Variants in TXNRD1 observed in about 807,000 individuals in gnomAD.
TXNRD1 encodes the protein thioredoxin reductase 1, also known as thioredoxin reductase 1, cytoplasmic.
A neutral mutation model predicts 80.3 loss-of-function variants in TXNRD1; 57 were observed. That is an observed-to-expected ratio of 0.71 (90% CI 0.57 to 0.89). The LOEUF is 0.89. Among genes scored for constraint, TXNRD1 ranks in the 40% least tolerant of loss-of-function variants. The probability of loss-of-function intolerance (pLI) is 0.00; values close to 1 mark genes in which losing one functional copy is unlikely to be tolerated. For missense variants in TXNRD1, 730 were observed against 803.0 expected, an observed-to-expected ratio of 0.91 and a Z score of 1.10; for synonymous variants, 291 against 285.2, an observed-to-expected ratio of 1.02 and a Z score of -0.20.
chr12:104,301,309 A>C, intron 4 of TXNRD1, among the ~76,000 whole-genome samples: 1 of 152,110 alleles, frequency 6.6e-6, no homozygotes, highest in African/African-American at 2.4e-5. Flanking sequence ...GGGTTGGCTT[A>C]TCTGTTAGAG....
chr12:104,230,842 T>G (rs528414301), intron 1 of TXNRD1, among the ~76,000 whole-genome samples: 3 of 152,262 alleles, frequency 2.0e-5, no homozygotes, highest in African/African-American at 7.2e-5. Flanking sequence ...ATTGGTTTGA[T>G]CAGCATGTCA....
At chr12:104,308,287 G>A (rs1311851178) in intron 4 of TXNRD1, among the ~76,000 whole-genome samples, 2 of 152,092 alleles carry the variant, frequency 1.3e-5, no homozygotes, top group Non-Finnish European at 2.9e-5. Context: ...GAGCCACCAC[G>A]CCTCGCTGCC....
chr12:104,256,838 G>T (rs1315440517), intron 2 of TXNRD1, among the ~76,000 whole-genome samples: 1 of 150,912 alleles, frequency 6.6e-6, no homozygotes, highest in Non-Finnish European at 1.5e-5. Context: ...TTGTATGAAT[G>T]AACATATTTT....
At chr12:104,309,043 GCA>G in intron 4 of TXNRD1, among the ~76,000 whole-genome samples, 1 of 151,858 alleles carries the variant, frequency 6.6e-6, no homozygotes, top group Non-Finnish European at 1.5e-5. Context: ...GACTACAGGT[GCA>G]CGCCTCCACG....
intron 1 of TXNRD1, among the ~76,000 whole-genome samples, chr12:104,246,872 GTCTA>G (rs2033007722): frequency 6.6e-6 from 1 of 151,970 alleles, no homozygotes; most frequent in Admixed American, 6.6e-5. Context: ...TCTCTTTCTG[GTCTA>G]TCTAATCTCT....
At chr12:104,278,780 C>T (rs1261988617) in intron 3 of TXNRD1, among the ~76,000 whole-genome samples, 8 of 152,264 alleles carry the variant, frequency 5.3e-5, no homozygotes, top group African/African-American at 1.2e-4. Flanking sequence ...GGATTACAGG[C>T]GTGAGCCACC....
intron 3 of TXNRD1, among the ~76,000 whole-genome samples, chr12:104,266,421 G>T (rs1189402240): frequency 2.0e-5 from 3 of 151,868 alleles, no homozygotes; most frequent in Middle Eastern, 3.4e-3. Flanking sequence ...ACCTACTAGG[G>T]AGGCTGAGGT....
At chr12:104,288,667 C>A in intron 3 of TXNRD1, 1 of 1,123,890 alleles carries the variant, frequency 8.9e-7, no homozygotes, top group Non-Finnish European at 1.2e-6. Context: ...TGATTTAACC[C>A]TGACTAGAAC....
intron 3 of TXNRD1, among the ~76,000 whole-genome samples, chr12:104,258,954 G>C (rs1228780492): frequency 6.6e-6 from 1 of 152,086 alleles, no homozygotes; most frequent in Non-Finnish European, 1.5e-5. Context: ...ATCTGCTAGT[G>C]GCCAGCACCA....
In TXNRD1 at chr12:104,305,015, T is replaced by C. The variant is rs1025623351; in HGVS notation, c.415-6275T>C. The C allele has an allele frequency of 3.7e-6, 5 of 1,363,652 alleles. No individual in the cohort carries two copies. In the African/African-American group the frequency reaches 7.3e-5, roughly 20 times the overall value. 84.5% of individuals were successfully genotyped at this position (1,363,652 alleles called of 1,614,324 possible). On this transcript the variant is annotated intron_variant, in intron 4 of 16. Coordinates refer to ENST00000525566, the MANE Select transcript of TXNRD1 (RefSeq NM_001093771.3). ...AGTAAAATGTAAACTGAAGCACATA[T>C]TGTATCTCTTGTAAAGTGAAAAAGT... is the stretch of plus-strand genomic sequence containing the variant.
At chr12:104,334,391 G>GTTTT in intron 15 of TXNRD1, 59 bp downstream of exon 15, 2 of 978,718 alleles carry the variant, frequency 2.0e-6, no homozygotes, top group Non-Finnish European at 2.8e-6. Context: ...TTTTGTTGTT[G>GTTTT]TTTTTTTTTT....
In TXNRD1 at chr12:104,321,179, G is replaced by C; in HGVS notation, c.1078G>C (p.Ala360Pro). 2 of 1,613,122 alleles carry C rather than the reference G, an allele frequency of 1.2e-6. No individual in the cohort carries two copies. Among genetic ancestry groups the C allele is most frequent in the Non-Finnish European group, 1.7e-6 (2 of 1,179,798 alleles). ...YVALECAGFL[A>P]GIGLDVTVMV... ...CGCTTTGGAGTGCGCTGGATTTCTT[G>C]CTGGTATTGGTTTAGACGTCACTGT... is the stretch of plus-strand genomic sequence containing the variant. The change falls in exon 10 of 17, where the codon GCT becomes CCT. Residue 360 changes from alanine (A) to proline (P), a missense_variant. Physicochemically the swap from Ala to Pro is conservative, Grantham distance 27 (BLOSUM62 -1). Coordinates refer to ENST00000525566, the MANE Select transcript of TXNRD1 (RefSeq NM_001093771.3).
chr12:104,273,948 G>A (rs2033705683), intron 3 of TXNRD1, among the ~76,000 whole-genome samples: 1 of 152,152 alleles, frequency 6.6e-6, no homozygotes, highest in Non-Finnish European at 1.5e-5. Flanking sequence ...TACTTGGGAG[G>A]CTAAGACAGG....
Position 104,228,829 on chromosome 12 carries a change from C to T in TXNRD1, c.91+12936C>T, listed in dbSNP as rs1301522478. On this transcript the variant is annotated intron_variant, in intron 1 of 16. Coordinates refer to ENST00000525566, the MANE Select transcript of TXNRD1 (RefSeq NM_001093771.3). ...CCGCCTCCCGGGTTCACGCCATTCT[C>T]CTGCCTTAGCCTCCTGAGTAGCTGG... Among the ~76,000 whole-genome samples, 6 of 151,776 alleles carry T rather than the reference C, an allele frequency of 4.0e-5. No homozygotes were observed. The South Asian group carries it at 6.2e-4, about 16-fold the overall frequency.
intron 4 of TXNRD1, among the ~76,000 whole-genome samples, chr12:104,293,156 G>C (rs1039638909): frequency 3.9e-5 from 6 of 152,190 alleles, no homozygotes; most frequent in Admixed American, 2.0e-4. Context: ...CAGGATTCCA[G>C]GGTTTTGAAA....
chr12:104,294,323 TGGTGACG>T (rs1209206317), intron 4 of TXNRD1, among the ~76,000 whole-genome samples: 1 of 150,674 alleles, frequency 6.6e-6, no homozygotes, highest in Non-Finnish European at 1.5e-5. Context: ...ACGATCCTCT[TGGTGACG>T]GGCGTCTTCC....
intron 4 of TXNRD1, among the ~76,000 whole-genome samples, chr12:104,296,088 G>A (rs988967387): frequency 6.6e-6 from 1 of 152,200 alleles, no homozygotes; most frequent in Non-Finnish European, 1.5e-5. Context: ...TAGTTAAGTG[G>A]CAGAGTCAGG....
chr12:104,238,957 C>T (rs897715223), intron 1 of TXNRD1, among the ~76,000 whole-genome samples: 14 of 152,048 alleles, frequency 9.2e-5, no homozygotes, highest in Non-Finnish European at 1.8e-4. Flanking sequence ...AGTGATTCTC[C>T]TGTCTCAGCC....
chr12:104,231,441 C>G (rs1171233214), intron 1 of TXNRD1, among the ~76,000 whole-genome samples: 1 of 152,114 alleles, frequency 6.6e-6, no homozygotes, highest in Non-Finnish European at 1.5e-5. Flanking sequence ...ATTGAGAATA[C>G]AGGGTTCAAA....
Sources: allele counts gnomAD v4.1 joint callset (sites outside exome capture counted in the v4.1 genomes callset), GRCh38; gene constraint gnomAD v4.1.1; transcripts MANE v1.5; gene names NCBI Gene and HGNC (gene_info 2026-07-23, HGNC 2026-07-21).